The following HDAC9 variants were observed in gnomAD, a reference collection of about 807,000 sequenced individuals.
The protein encoded by HDAC9 is histone deacetylase 9.
Under a neutral mutation model 139.4 loss-of-function variants are expected in HDAC9, and 41 were observed. That is an observed-to-expected ratio of 0.29 (90% CI 0.23 to 0.38). The LOEUF is 0.38. Ranked by LOEUF, HDAC9 falls within the 10% of genes least tolerant of loss-of-function variation. The pLI is 1.00. For missense variants in HDAC9, 1,147 were observed against 1,297.0 expected, an observed-to-expected ratio of 0.88 and a Z score of 1.78; for synonymous variants, 517 against 476.2, an observed-to-expected ratio of 1.09 and a Z score of -1.12.
intron 2 of HDAC9, among the ~76,000 whole-genome samples, chr7:18,510,891 A>G (rs570814330): frequency 1.6e-4 from 25 of 152,294 alleles, no homozygotes; most frequent in African/African-American, 5.8e-4. Flanking sequence ...CTTTCAGGGT[A>G]GTCTTTTTGC....
chr7:18,491,936 A>G (rs915096377), upstream of HDAC9, among the ~76,000 whole-genome samples: 1 of 151,982 alleles, frequency 6.6e-6, no homozygotes, highest in African/African-American at 2.4e-5. Context: ...ATAGGTTTCT[A>G]AGTATTTAAT....
At chr7:18,595,150 T>C (rs1478856064) in intron 6 of HDAC9, among the ~76,000 whole-genome samples, 1 of 152,078 alleles carries the variant, frequency 6.6e-6, no homozygotes, top group Non-Finnish European at 1.5e-5. Flanking sequence ...CTAGCATATA[T>C]TGAAGGCACT....
intron 1 of HDAC9, among the ~76,000 whole-genome samples, chr7:18,104,225 T>C (rs927178207): frequency 6.7e-6 from 1 of 148,764 alleles, no homozygotes; most frequent in Admixed American, 6.8e-5. Context: ...GAACCTGCTG[T>C]ACATTGTTCC....
intron 2 of HDAC9, among the ~76,000 whole-genome samples, chr7:18,204,724 G>A (rs1440686735): frequency 6.6e-6 from 1 of 151,598 alleles, no homozygotes; most frequent in African/African-American, 2.4e-5. Flanking sequence ...TGTTTTTGAG[G>A]TATTTTTCTT....
At chr7:18,148,854 C>A (rs936435112) in intron 1 of HDAC9, among the ~76,000 whole-genome samples, 3 of 152,102 alleles carry the variant, frequency 2.0e-5, no homozygotes, top group Admixed American at 6.5e-5. Context: ...TATTAGCAAC[C>A]TAAATTCTAC....
At chr7:18,286,782 A>AT (rs1797480746), upstream of HDAC9, among the ~76,000 whole-genome samples, 1 of 152,158 alleles carries the variant, frequency 6.6e-6, no homozygotes, top group African/African-American at 2.4e-5. Context: ...AAGCACCTTC[A>AT]TTTTAAAGGT....
chr7:18,988,012 A>C (rs1193820224), intron 25 of HDAC9, among the ~76,000 whole-genome samples: 2 of 152,162 alleles, frequency 1.3e-5, no homozygotes, highest in Non-Finnish European at 2.9e-5. Context: ...TCCTTTCAAA[A>C]AACCAGCTCC....
At chr7:18,673,923 C>A (rs998471883) in intron 12 of HDAC9, among the ~76,000 whole-genome samples, 3 of 151,948 alleles carry the variant, frequency 2.0e-5, no homozygotes, top group Non-Finnish European at 4.4e-5. Flanking sequence ...GTTTTATTAC[C>A]AATATTAGTT....
intron 1 of HDAC9, among the ~76,000 whole-genome samples, chr7:18,364,244 G>T (rs1227242816): frequency 6.6e-6 from 1 of 152,058 alleles, no homozygotes; most frequent in Non-Finnish European, 1.5e-5. Context: ...GTTCTAATCT[G>T]GCTGTGCAGT....
At chr7:18,348,462 A>G (rs1782592378) in intron 1 of HDAC9, among the ~76,000 whole-genome samples, 1 of 152,168 alleles carries the variant, frequency 6.6e-6, no homozygotes, top group African/African-American at 2.4e-5. Context: ...AGGTTCAATT[A>G]GATATGCCCC....
intron 12 of HDAC9, among the ~76,000 whole-genome samples, chr7:18,715,021 G>T (rs1427537993): frequency 6.6e-6 from 1 of 152,144 alleles, no homozygotes; most frequent in Admixed American, 6.5e-5. Context: ...ACTTAGAAAA[G>T]ACATTCTTTT....
chr7:18,970,302 TC>T (rs1784164170), intron 24 of HDAC9, among the ~76,000 whole-genome samples: 1 of 152,014 alleles, frequency 6.6e-6, no homozygotes, highest in Non-Finnish European at 1.5e-5. Context: ...TTTCTAAGGT[TC>T]AGATAATCAA....
rs1783005606 is a variant in HDAC9 at position 18,954,368 on chromosome 7, G to A, written c.3022+138G>A. The A allele has an allele frequency of 4.4e-6, 3 of 680,874 alleles. No individual in the cohort carries two copies. In the East Asian group the frequency reaches 8.6e-5, roughly 19 times the overall value. 42.2% of individuals were successfully genotyped at this position (680,874 alleles called of 1,614,324 possible). A position where few individuals can be genotyped will look rare whatever the true frequency, so the allele number is the denominator to read the frequency against. The stretch of plus-strand genomic sequence containing the variant: ...CGTTCTTAAGTATATATCTTAATGT[G>A]TTGCTCTTAATGCAGCAATCTTATC... On this transcript the variant is annotated intron_variant, in intron 24 of 25. Coordinates refer to ENST00000686413, the MANE Select transcript of HDAC9 (RefSeq NM_178425.4).
chr7:18,393,664 G>T (rs1786752419), intron 1 of HDAC9, among the ~76,000 whole-genome samples: 1 of 152,108 alleles, frequency 6.6e-6, no homozygotes, highest in African/African-American at 2.4e-5. Flanking sequence ...AGTATTATGG[G>T]AACCTCCCAT....
At chr7:18,103,739 A>C (rs1380174972) in intron 1 of HDAC9, among the ~76,000 whole-genome samples, 1 of 152,260 alleles carries the variant, frequency 6.6e-6, no homozygotes, top group African/African-American at 2.4e-5. Flanking sequence ...TGATATAAAC[A>C]AGAGTTAAGC....
At chr7:18,255,889 A>C (rs1795208644) in intron 2 of HDAC9, among the ~76,000 whole-genome samples, 1 of 152,106 alleles carries the variant, frequency 6.6e-6, no homozygotes, top group African/African-American at 2.4e-5. Flanking sequence ...GGCCTCCCAA[A>C]GTGTTGGGAT....
intron 1 of HDAC9, among the ~76,000 whole-genome samples, chr7:18,404,578 A>G (rs1787837947): frequency 6.6e-6 from 1 of 152,256 alleles, no homozygotes; most frequent in African/African-American, 2.4e-5. Flanking sequence ...TATTCTTGAA[A>G]TTAGGGTTTC....
intron 2 of HDAC9, among the ~76,000 whole-genome samples, chr7:18,518,307 G>C (rs1803887301): frequency 6.6e-6 from 1 of 152,098 alleles, no homozygotes; most frequent in African/African-American, 2.4e-5. Context: ...AGAGCCCAAG[G>C]GATCTGTGAA....
intron 21 of HDAC9, among the ~76,000 whole-genome samples, chr7:18,839,123 A>G (rs1030532622): frequency 2.0e-5 from 3 of 152,102 alleles, no homozygotes; most frequent in African/African-American, 7.2e-5. Flanking sequence ...TAAAATATTC[A>G]GTATCAAATA....
Sources: gnomAD v4.1 joint callset for allele counts (sites outside exome capture counted in the v4.1 genomes callset) on GRCh38, gnomAD v4.1.1 for gene constraint, MANE v1.5 for transcripts, NCBI Gene and HGNC (gene_info 2026-07-23, HGNC 2026-07-21) for gene names.